The following TACR1 variants were observed in gnomAD, a reference collection of about 807,000 sequenced individuals.
TACR1 encodes the protein substance-P receptor.
A neutral mutation model predicts 35.8 loss-of-function variants in TACR1; 25 were observed. The observed-to-expected ratio is 0.70, with a 90% CI of 0.51 to 0.98. The LOEUF is 0.98. Ranked by LOEUF, TACR1 falls within the 50% of genes least tolerant of loss-of-function variation. The pLI is 0.00. For synonymous variants in TACR1, 195 were observed against 206.7 expected (o/e 0.94, Z 0.48); for missense variants, 478 against 522.9 (o/e 0.91, Z 0.84).
At chr2:75,148,652 T>C (rs1572958003) in intron 1 of TACR1, among the ~76,000 whole-genome samples, 1 of 152,318 alleles carries the variant, frequency 6.6e-6, no homozygotes, top group South Asian at 2.1e-4. Flanking sequence ...TTGCAAAAAT[T>C]TTCTCCCATT....
At chr2:75,191,345 C>T (rs1675841493) in intron 1 of TACR1, among the ~76,000 whole-genome samples, 2 of 152,064 alleles carry the variant, frequency 1.3e-5, no homozygotes. Context: ...AGAGAGTGCA[C>T]CTGCTGCTAG....
At chr2:75,170,766 T>C (rs1352963648) in intron 1 of TACR1, among the ~76,000 whole-genome samples, 1 of 152,176 alleles carries the variant, frequency 6.6e-6, no homozygotes, top group Non-Finnish European at 1.5e-5. Context: ...CATTTTGCCC[T>C]TGCCCTAGAG....
rs376199754 is a variant in TACR1 at position 75,093,345 on chromosome 2, A to C, written c.584+27229T>G. ...CTCAGGAATTAGAGGCTGGGCAATG[A>C]AAGGAAGCAGAAGGCTTGTCAGTGA... is the stretch of plus-strand genomic sequence containing the variant. On this transcript the variant is annotated intron_variant, in intron 2 of 4. Coordinates refer to ENST00000305249, the MANE Select transcript of TACR1 (RefSeq NM_001058.4). Among the ~76,000 whole-genome samples the C allele has an allele frequency of 8.5e-5, 13 of 152,308 alleles. No homozygotes were observed. The East Asian group carries it at 1.7e-3, about 20-fold the overall frequency.
intron 2 of TACR1, among the ~76,000 whole-genome samples, chr2:75,055,097 A>AT (rs1198754004): frequency 6.6e-6 from 1 of 152,040 alleles, no homozygotes; most frequent in Non-Finnish European, 1.5e-5. Flanking sequence ...CCACCCAATG[A>AT]TTTTTTTCTT....
intron 2 of TACR1, among the ~76,000 whole-genome samples, chr2:75,082,697 G>A (rs910628211): frequency 1.3e-5 from 2 of 152,180 alleles, no homozygotes; most frequent in African/African-American, 4.8e-5. Flanking sequence ...ATTTTTTCAT[G>A]TGTCTTTTGG....
chr2:75,183,441 T>C (rs985807152), intron 1 of TACR1, among the ~76,000 whole-genome samples: 7 of 152,232 alleles, frequency 4.6e-5, no homozygotes, highest in Admixed American at 3.9e-4. Context: ...GCTATATTAA[T>C]CACAGTCTTG....
chr2:75,190,903 G>C (rs556438819), intron 1 of TACR1, among the ~76,000 whole-genome samples: 1 of 152,310 alleles, frequency 6.6e-6, no homozygotes, highest in Non-Finnish European at 1.5e-5. Flanking sequence ...ATTAAACATA[G>C]TGATAAAGCT....
chr2:75,122,845 C>G (rs1440681672), intron 1 of TACR1, among the ~76,000 whole-genome samples: 1 of 152,202 alleles, frequency 6.6e-6, no homozygotes, highest in Non-Finnish European at 1.5e-5. Flanking sequence ...CAAGGCAGGT[C>G]CAGGACACCA....
At chr2:75,158,447 T>C (rs1287026934) in intron 1 of TACR1, among the ~76,000 whole-genome samples, 1 of 152,210 alleles carries the variant, frequency 6.6e-6, no homozygotes, top group African/African-American at 2.4e-5. Flanking sequence ...TCAAAAAATA[T>C]GTATTTATTT....
chr2:75,175,639 C>T (rs1218509662), intron 1 of TACR1, among the ~76,000 whole-genome samples: 1 of 152,150 alleles, frequency 6.6e-6, no homozygotes, highest in African/African-American at 2.4e-5. Context: ...CTCCCGCTGA[C>T]TTTGATCCTC....
intron 1 of TACR1, among the ~76,000 whole-genome samples, chr2:75,136,202 A>G (rs1187412124): frequency 1.3e-5 from 2 of 152,182 alleles, no homozygotes; most frequent in East Asian, 3.8e-4. Flanking sequence ...CCCTCTGTAC[A>G]GCCCTCACTC....
At chr2:75,168,414 C>G (rs1201482145) in intron 1 of TACR1, among the ~76,000 whole-genome samples, 1 of 152,198 alleles carries the variant, frequency 6.6e-6, no homozygotes, top group Non-Finnish European at 1.5e-5. Context: ...GGCAGAGAAT[C>G]TTTCTTAGCT....
chr2:75,192,624 A>T (rs567291762), intron 1 of TACR1, among the ~76,000 whole-genome samples: 1 of 152,262 alleles, frequency 6.6e-6, no homozygotes, highest in African/African-American at 2.4e-5. Context: ...TTTTCCTTAA[A>T]TGAGGTATCA....
intron 2 of TACR1, among the ~76,000 whole-genome samples, chr2:75,101,129 G>A (rs1357445761): frequency 1.3e-5 from 2 of 151,832 alleles, no homozygotes; most frequent in Non-Finnish European, 2.9e-5. Context: ...TATTCACTGA[G>A]AATATTTTAG....
chr2:75,182,018 G>A (rs1245497935), intron 1 of TACR1, among the ~76,000 whole-genome samples: 1 of 152,222 alleles, frequency 6.6e-6, no homozygotes, highest in African/African-American at 2.4e-5. Flanking sequence ...CTGTGGATCA[G>A]TGATGTACTC....
rs140257919 is a variant in TACR1, at chr2:75,156,535, A to G, written c.390-35767T>C. Among the ~76,000 whole-genome samples, 1,091 of 150,250 alleles carry G rather than the reference A, an allele frequency of 7.3e-3. 11 individuals are homozygous for G. Among genetic ancestry groups the G allele is most frequent in the African/African-American group, 0.024 (968 of 41,028 alleles). ...GGAGAATGGTGTGAACCTGGGAGGC[A>G]GAGCTTGCAGTGAGTGGAGATCATG... On this transcript the variant is annotated intron_variant, in intron 1 of 4. Transcript: ENST00000305249.
intron 1 of TACR1, among the ~76,000 whole-genome samples, chr2:75,123,846 T>G (rs1674019758): frequency 1.3e-5 from 2 of 152,202 alleles, no homozygotes; most frequent in South Asian, 4.1e-4. Flanking sequence ...TTTTCTTTCC[T>G]ACTCCCCACT....
intron 1 of TACR1, among the ~76,000 whole-genome samples, chr2:75,184,356 A>G (rs945652561): frequency 6.6e-5 from 10 of 152,138 alleles, no homozygotes; most frequent in African/African-American, 1.7e-4. Context: ...TAACAATTAT[A>G]TTAAGAGAAA....
In TACR1 at chr2:75,193,278, G is replaced by C. The variant is rs183931201; in HGVS notation, c.389+5268C>G. Reference sequence around the variant, plus strand: ...GCAAAGGCAATGTCTTACTGCCTCAGAATATGGCACACAGTAAGTGCTCAA... The same window carrying C: ...GCAAAGGCAATGTCTTACTGCCTCACAATATGGCACACAGTAAGTGCTCAA... On this transcript the variant is annotated intron_variant, in intron 1 of 4. Transcript: ENST00000305249. 1.4e-4 allele frequency among the ~76,000 whole-genome samples: 21 copies of C among 152,310 alleles called. No homozygotes were observed. In the East Asian group the frequency reaches 2.3e-3, roughly 17 times the overall value.
Sources: allele counts gnomAD v4.1 joint callset (sites outside exome capture counted in the v4.1 genomes callset), GRCh38; gene constraint gnomAD v4.1.1; transcripts MANE v1.5; gene names NCBI Gene and HGNC (gene_info 2026-07-23, HGNC 2026-07-21).